Variants in PAM observed in about 807,000 individuals in gnomAD.
The protein encoded by PAM is peptidyl-glycine alpha-amidating monooxygenase.
In PAM, 72 loss-of-function variants were observed where a neutral mutation model predicts 122.1. The observed-to-expected ratio is 0.59, with a 90% confidence interval of 0.49 to 0.72. The LOEUF (loss-of-function observed/expected upper bound fraction) is 0.72. Ranked by LOEUF, PAM falls within the 30% of genes least tolerant of loss-of-function variation. The pLI, the probability that PAM is intolerant of heterozygous loss-of-function variation, is 0.00. For synonymous variants in PAM, 389 were observed against 404.4 expected (o/e 0.96, Z 0.46); for missense variants, 1,106 against 1,183.7 (o/e 0.93, Z 0.96).
At chr5:102,801,855 T>G (rs1423276272) in intron 1 of PAM, among the ~76,000 whole-genome samples, 1 of 142,454 alleles carries the variant, frequency 7.0e-6, no homozygotes, top group Non-Finnish European at 1.5e-5. Context: ...CTCGGCTCAC[T>G]GCAAGCTCCG....
upstream of PAM, chr5:102,755,043 C>G (rs2400840): frequency 6.6e-6 from 1 of 152,322 alleles, no homozygotes; most frequent in Non-Finnish European, 1.5e-5. Context: ...TTCCCAAGCT[C>G]CGCGCCCCCT....
rs116224038 is a variant in PAM at position 102,823,544 on chromosome 5, C to T, written c.-373-42279C>T. Among the ~76,000 whole-genome samples, 829 of 152,274 alleles carry T rather than the reference C, an allele frequency of 5.4e-3. 3 individuals are homozygous for T. Among genetic ancestry groups the T allele is most frequent in the African/African-American group, 0.019 (774 of 41,548 alleles). On this transcript the variant is annotated intron_variant, in intron 1 of 25. Transcript: ENST00000438793. ...GATTCAGACTTTCCTACATCTGTGA[C>T]TTGATTCCTGAAAGGAGCGCTGGAA...
At chr5:102,924,718 CAG>C (rs1231777370) in intron 5 of PAM, among the ~76,000 whole-genome samples, 1 of 151,450 alleles carries the variant, frequency 6.6e-6, no homozygotes, top group Non-Finnish European at 1.5e-5. Flanking sequence ...ATCTCCCTCA[CAG>C]GATTGTTTCA....
In PAM at chr5:102,808,706, G is replaced by A. The variant is rs148267369; in HGVS notation, c.-374+53358G>A. On this transcript the variant is annotated intron_variant, in intron 1 of 25. Coordinates refer to ENST00000438793, the MANE Select transcript of PAM (RefSeq NM_001177306.2). ...GAAAGAAGAACCATGCTGAGAATTT[G>A]CATGTTATAGAAATTAAAATATGTA... 8.5e-5 allele frequency among the ~76,000 whole-genome samples: 13 copies of A among 152,326 alleles called. No individual in the cohort carries two copies. The East Asian group carries it at 2.5e-3, about 29-fold the overall frequency.
At chr5:102,790,238 G>A (rs759078012) in intron 1 of PAM, among the ~76,000 whole-genome samples, 1 of 151,986 alleles carries the variant, frequency 6.6e-6, no homozygotes, top group Non-Finnish European at 1.5e-5. Flanking sequence ...TGTCCTGTCC[G>A]ACATAGGAGA....
intron 7 of PAM, among the ~76,000 whole-genome samples, chr5:102,929,392 C>T (rs1268710787): frequency 1.3e-5 from 2 of 152,074 alleles, no homozygotes; most frequent in African/African-American, 2.4e-5. Flanking sequence ...ATGTTATGTA[C>T]ATATTATATA....
intron 3 of PAM, among the ~76,000 whole-genome samples, chr5:102,881,832 C>A (rs1791218290): frequency 6.6e-6 from 1 of 150,726 alleles, no homozygotes; most frequent in Non-Finnish European, 1.5e-5. Flanking sequence ...AGTCTTTTAT[C>A]CCTCATCTCC....
intron 3 of PAM, among the ~76,000 whole-genome samples, chr5:102,869,048 C>T (rs1295868577): frequency 2.0e-5 from 3 of 152,196 alleles, no homozygotes; most frequent in African/African-American, 7.2e-5. Flanking sequence ...TGGCCTCATG[C>T]AGTGCATATT....
chr5:102,874,469 G>GT lies in PAM; in HGVS notation c.210+7085dup, dbSNP rs199929268. Among the ~76,000 whole-genome samples the GT allele has an allele frequency of 4.8e-3, 706 of 147,534 alleles. 19 individuals carry two copies. Among genetic ancestry groups the GT allele is most frequent in the East Asian group, 0.043 (212 of 4,944 alleles). The stretch of plus-strand genomic sequence containing the variant: ...AAGATACGATTGAACTATTAACAAT[G>GT]TTTTTTTTTAATAATAGAAACATGC... On this transcript the variant is annotated intron_variant, in intron 3 of 25. Coordinates refer to ENST00000438793, the MANE Select transcript of PAM (RefSeq NM_001177306.2).
At chr5:103,015,332 T>C (rs914849393) in intron 21 of PAM, among the ~76,000 whole-genome samples, 3 of 152,166 alleles carry the variant, frequency 2.0e-5, no homozygotes, top group African/African-American at 7.2e-5. Context: ...CGAATTTCCT[T>C]ACGAGTTTTT....
chr5:102,825,059 C>A (rs535513924), intron 1 of PAM, among the ~76,000 whole-genome samples: 1 of 152,296 alleles, frequency 6.6e-6, no homozygotes, highest in African/African-American at 2.4e-5. Context: ...ACCTTTCTTA[C>A]CTGAGCACTA....
chr5:102,863,824 G>T (rs1784799618), intron 1 of PAM, among the ~76,000 whole-genome samples: 1 of 150,114 alleles, frequency 6.7e-6, no homozygotes. Context: ...TTTGTCTTTA[G>T]CTTACAAGTC....
chr5:102,816,101 T>C (rs1286647286), intron 1 of PAM, among the ~76,000 whole-genome samples: 1 of 152,178 alleles, frequency 6.6e-6, no homozygotes, highest in Non-Finnish European at 1.5e-5. Context: ...TTTATACTTA[T>C]GCCTCCTGAC....
chr5:102,779,422 G>C (rs1580954589), intron 1 of PAM, among the ~76,000 whole-genome samples: 1 of 152,058 alleles, frequency 6.6e-6, no homozygotes, highest in East Asian at 1.9e-4. Flanking sequence ...CAGTATGTGT[G>C]ACAGCTACAA....
intron 15 of PAM, among the ~76,000 whole-genome samples, chr5:102,977,658 GCACACACACACA>G (rs10527378): frequency 0.056 from 8,046 of 142,958 alleles, 291 homozygotes; most frequent in African/African-American, 0.11. Context: ...ATGCATGTGC[GCACACACACACA>G]CACACACACA....
chr5:102,794,793 C>T (rs1215807484), intron 1 of PAM, among the ~76,000 whole-genome samples: 1 of 152,150 alleles, frequency 6.6e-6, no homozygotes, highest in Non-Finnish European at 1.5e-5. Context: ...ATGAGATTTA[C>T]AAGTCCTGTG....
At chr5:102,934,652 G>A (rs902730287) in intron 7 of PAM, among the ~76,000 whole-genome samples, 1 of 152,142 alleles carries the variant, frequency 6.6e-6, no homozygotes, top group African/African-American at 2.4e-5. Context: ...ATGTGGTCTG[G>A]AATTAGGAGC....
chr5:102,898,914 C>T (rs986441032), intron 3 of PAM, among the ~76,000 whole-genome samples: 1 of 151,792 alleles, frequency 6.6e-6, no homozygotes, highest in African/African-American at 2.4e-5. Flanking sequence ...TTACCATCTT[C>T]AGCTTCATTT....
At chr5:102,779,918 T>TATATATATATATATATACACAC (rs147065045) in intron 1 of PAM, among the ~76,000 whole-genome samples, 6 of 95,674 alleles carry the variant, frequency 6.3e-5, no homozygotes, top group African/African-American at 2.7e-4. Context: ...TATATATATA[T>TATATATATATATATATACACAC]ACACACATAT....
Sources: allele counts gnomAD v4.1 joint callset (sites outside exome capture counted in the v4.1 genomes callset), GRCh38; gene constraint gnomAD v4.1.1; transcripts MANE v1.5; gene names NCBI Gene and HGNC (gene_info 2026-07-23, HGNC 2026-07-21).